Variants in BMAL1 observed in about 807,000 individuals in gnomAD.
BMAL1 encodes basic helix-loop-helix ARNT like 1.
the BMAL1 span, chr11:13,385,664 C>G: frequency 8.3e-6 from 13 of 1,565,544 alleles, no homozygotes; most frequent in South Asian, 1.1e-4. Context: ...ATTCAAACTT[C>G]ACACTTCCCT....
the BMAL1 span, among the ~76,000 whole-genome samples, chr11:13,336,744 CG>C: frequency 1.3e-5 from 2 of 152,148 alleles, no homozygotes; most frequent in Non-Finnish European, 2.9e-5. Flanking sequence ...GAACTGAACA[CG>C]ACACCTAAAA....
chr11:13,301,581 C>G, the BMAL1 span, among the ~76,000 whole-genome samples: 4 of 152,130 alleles, frequency 2.6e-5, no homozygotes, highest in Non-Finnish European at 5.9e-5. Flanking sequence ...GAACTAGTTG[C>G]ATTTGTCAAC....
At chr11:13,323,802 A>G in the BMAL1 span, among the ~76,000 whole-genome samples, 16 of 152,124 alleles carry the variant, frequency 1.1e-4, no homozygotes, top group Non-Finnish European at 2.4e-4. Flanking sequence ...TTTTCAGTAG[A>G]GATGGGGTAT....
the BMAL1 span, among the ~76,000 whole-genome samples, chr11:13,362,912 A>ACTGGTCC: frequency 6.6e-6 from 1 of 151,950 alleles, no homozygotes; most frequent in African/African-American, 2.4e-5. Flanking sequence ...AAATTATGTA[A>ACTGGTCC]CTGGTCCTGA....
the BMAL1 span, among the ~76,000 whole-genome samples, chr11:13,316,154 G>A: frequency 2.6e-5 from 4 of 152,202 alleles, no homozygotes; most frequent in Admixed American, 6.5e-5. Context: ...CACACTCTGA[G>A]GATGACTGCC....
chr11:13,337,353 T>C, the BMAL1 span, among the ~76,000 whole-genome samples: 1 of 152,184 alleles, frequency 6.6e-6, no homozygotes, highest in Non-Finnish European at 1.5e-5. Flanking sequence ...TTTTCACCAA[T>C]GTATATCAAT....
At chr11:13,365,343 G>A in the BMAL1 span, 436 of 443,452 alleles carry the variant, frequency 9.8e-4, 3 homozygotes, top group African/African-American at 7.8e-3. Flanking sequence ...CTTCAGAGAC[G>A]TTTGTTTTCA....
the BMAL1 span, among the ~76,000 whole-genome samples, chr11:13,288,373 G>T: frequency 1.8e-5 from 1 of 55,494 alleles, no homozygotes; most frequent in African/African-American, 5.8e-5. Context: ...GCAGGATTTG[G>T]GTTTGATTGG....
At chr11:13,308,633 C>A in the BMAL1 span, among the ~76,000 whole-genome samples, 3 of 152,146 alleles carry the variant, frequency 2.0e-5, no homozygotes, top group Non-Finnish European at 4.4e-5. Context: ...ATGGATGTAG[C>A]AAAATGCAAG....
the BMAL1 span, chr11:13,372,517 A>G: frequency 2.0e-6 from 3 of 1,503,500 alleles, no homozygotes; most frequent in East Asian, 6.8e-5. Flanking sequence ...AGAATGAAGA[A>G]AGAAAGAAAA....
At chr11:13,328,174 C>G in the BMAL1 span, among the ~76,000 whole-genome samples, 1 of 151,688 alleles carries the variant, frequency 6.6e-6, no homozygotes, top group South Asian at 2.1e-4. Context: ...ACTGGAGAGG[C>G]TTTTTTTTGG....
At chr11:13,290,699 A>G in the BMAL1 span, among the ~76,000 whole-genome samples, 2 of 152,076 alleles carry the variant, frequency 1.3e-5, no homozygotes, top group African/African-American at 4.8e-5. Context: ...AAGGTGGGTA[A>G]TGTCAGTTCT....
At chr11:13,383,904 A>C in the BMAL1 span, among the ~76,000 whole-genome samples, 1 of 152,120 alleles carries the variant, frequency 6.6e-6, no homozygotes, top group African/African-American at 2.4e-5. Flanking sequence ...GAAAATGTCC[A>C]TCATTACTTT....
At chr11:13,365,934 T>C in the BMAL1 span, among the ~76,000 whole-genome samples, 9 of 152,200 alleles carry the variant, frequency 5.9e-5, no homozygotes, top group African/African-American at 1.7e-4. Flanking sequence ...AATACGTCAC[T>C]TGGAAATCCA....
At chr11:13,320,642 T>C in the BMAL1 span, among the ~76,000 whole-genome samples, 2 of 152,216 alleles carry the variant, frequency 1.3e-5, no homozygotes, top group East Asian at 3.8e-4. Context: ...ATAAACAGTG[T>C]ATAAATATGA....
At chr11:13,290,799 A>T in the BMAL1 span, among the ~76,000 whole-genome samples, 2 of 152,122 alleles carry the variant, frequency 1.3e-5, no homozygotes, top group East Asian at 3.8e-4. Context: ...GAACAGTCTC[A>T]GTCCAGTGCC....
At chr11:13,354,266 TAA>T in the BMAL1 span, 1 of 1,258,302 alleles carries the variant, frequency 7.9e-7, no homozygotes, top group Admixed American at 2.9e-5. Flanking sequence ...CTCATCGAAA[TAA>T]ACACACCTTT....
chr11:13,351,967 G>C, the BMAL1 span, among the ~76,000 whole-genome samples: 3 of 152,228 alleles, frequency 2.0e-5, no homozygotes, highest in Non-Finnish European at 4.4e-5. Flanking sequence ...CAAGATGGGA[G>C]TTACATAACT....
chr11:13,354,236 T>C, the BMAL1 span: 8 of 478,218 alleles, frequency 1.7e-5, no homozygotes, highest in South Asian at 2.1e-4. Context: ...CCAACCTGGG[T>C]TCTCCACCAC....
Sources: allele counts gnomAD v4.1 joint callset (sites outside exome capture counted in the v4.1 genomes callset), GRCh38; gene constraint gnomAD v4.1.1; transcripts MANE v1.5; gene names NCBI Gene and HGNC (gene_info 2026-07-23, HGNC 2026-07-21).